Variants in TMLHE observed in about 807,000 individuals in gnomAD.
TMLHE encodes the protein trimethyllysine hydroxylase, epsilon.
Under a neutral mutation model 25.7 loss-of-function variants are expected in TMLHE, and 18 were observed. That is an observed-to-expected ratio of 0.70 (90% CI 0.48 to 1.04). The LOEUF is 1.04. Among genes scored for constraint, TMLHE ranks in the 50% least tolerant of loss-of-function variants. The pLI is 0.00. For synonymous variants in TMLHE, 105 were observed against 97.0 expected, an observed-to-expected ratio of 1.08 and a Z score of -0.49; for missense variants, 236 against 259.0, an observed-to-expected ratio of 0.91 and a Z score of 0.61.
Position 155,524,453 on chromosome X carries a change from C to A in TMLHE, c.358+3G>T. 3 of 1,154,362 alleles carry A rather than the reference C, an allele frequency of 2.6e-6. No homozygotes were observed. Among genetic ancestry groups the A allele is most frequent in the Non-Finnish European group, 2.3e-6 (2 of 863,635 alleles). On this transcript the variant is annotated splice_donor_region_variant and intron_variant, in intron 3 of 7. Transcript: ENST00000334398. ...AAGAAGATCAAGTCTCCTGTCCACT[C>A]ACAAGTGAAAAAGAGTGTGGTCTCA...
intron 1 of TMLHE, among the ~76,000 whole-genome samples, chrX:155,601,411 A>T (rs907597842): frequency 1.8e-5 from 2 of 112,247 alleles, no homozygotes; most frequent in Admixed American, 1.9e-4. Context: ...AATATACTGC[A>T]TTAATAGCAC....
At chrX:155,594,619 C>T (rs191407481) in intron 1 of TMLHE, among the ~76,000 whole-genome samples, 167 of 111,575 alleles carry the variant, frequency 1.5e-3, no homozygotes, top group Admixed American at 5.8e-3. Context: ...AATTTTACCT[C>T]AAGTACAATG....
In TMLHE at chrX:155,561,695, T is replaced by C. The variant is rs1217758437; in HGVS notation, c.-1-16418A>G. ...CCAAGATACAATGGGGGTACAAGCATTGGGTAAATGCTCCCATTCCAAATG... is the reference window on the plus strand; with the variant it reads ...CCAAGATACAATGGGGGTACAAGCACTGGGTAAATGCTCCCATTCCAAATG... On this transcript the variant is annotated intron_variant, in intron 1 of 7. Transcript: ENST00000334398. Among the ~76,000 whole-genome samples the C allele has an allele frequency of 1.1e-3, 70 of 62,357 alleles. 10 individuals carry two copies. Among genetic ancestry groups the C allele is most frequent in the African/African-American group, 2.4e-3 (67 of 28,099 alleles). 54.1% of individuals were successfully genotyped at this position (62,357 alleles called of 115,157 possible). A position where few individuals can be genotyped will look rare whatever the true frequency, so the allele number is the denominator to read the frequency against.
intron 2 of TMLHE, among the ~76,000 whole-genome samples, chrX:155,540,852 G>T (rs1417392762): frequency 9.0e-6 from 1 of 110,650 alleles, no homozygotes; most frequent in Admixed American, 9.6e-5. Flanking sequence ...AAAATTGTCT[G>T]TATTCACAGA....
At chrX:155,534,513 C>T (rs1241694712) in intron 2 of TMLHE, among the ~76,000 whole-genome samples, 1 of 111,875 alleles carries the variant, frequency 8.9e-6, no homozygotes, top group African/African-American at 3.3e-5. Flanking sequence ...GTATTACAGA[C>T]ATGAGCCACC....
intron 4 of TMLHE, 57 bp downstream of exon 4, chrX:155,513,929 G>A (rs1874147627): frequency 4.5e-6 from 5 of 1,111,601 alleles, no homozygotes; most frequent in African/African-American, 1.8e-5. Context: ...ATTTATTGGT[G>A]TTCATGCTCT....
At chrX:155,610,994 A>G (rs1245025320) in intron 1 of TMLHE, among the ~76,000 whole-genome samples, 2 of 111,809 alleles carry the variant, frequency 1.8e-5, no homozygotes, top group African/African-American at 6.5e-5. Flanking sequence ...ATATAGCTAA[A>G]CAAGGCAGAC....
At chrX:155,514,338 G>T (rs1184904513) in intron 3 of TMLHE, 73 bp from the exon 4 acceptor site, 23 of 1,040,917 alleles carry the variant, frequency 2.2e-5, no homozygotes, top group Non-Finnish European at 3.0e-5. Flanking sequence ...GTTACAACTA[G>T]TTAAGAATCT....
intron 2 of TMLHE, among the ~76,000 whole-genome samples, chrX:155,541,560 C>G: frequency 9.0e-6 from 1 of 111,472 alleles, no homozygotes; most frequent in Non-Finnish European, 1.9e-5. Flanking sequence ...GGTATATACC[C>G]AGTAATGAGA....
intron 1 of TMLHE, among the ~76,000 whole-genome samples, chrX:155,596,558 G>A (rs1557346528): frequency 1.2e-4 from 13 of 111,682 alleles, no homozygotes. Context: ...AAGTCTGGAA[G>A]GATTACAACA....
rs145352721 is a variant in TMLHE, at chrX:155,596,515, T to A, written c.-2+16277A>T. Among the ~76,000 whole-genome samples, 13 of 111,233 alleles carry A rather than the reference T, an allele frequency of 1.2e-4. No homozygotes were observed. The East Asian group carries it at 3.4e-3, about 29-fold the overall frequency. ...TCTATAGAAAGAATTGTCAATGCTA[T>A]GAAAGAGAACCCCAATAAAGAGAAC... On this transcript the variant is annotated intron_variant, in intron 1 of 7. Transcript: ENST00000334398.
rs1306461581 is a variant in TMLHE at position 155,603,811 on chromosome X, A to G, written c.-2+8981T>C. 3.5e-5 allele frequency among the ~76,000 whole-genome samples: 4 copies of G among 112,746 alleles called. No individual in the cohort carries two copies. In the South Asian group the frequency reaches 1.1e-3, roughly 31 times the overall value. ...TCATAAACGAAAGACGTAAAAGTAT[A>G]AAACTTTTAGAAACATAGGAAAACC... On this transcript the variant is annotated intron_variant, in intron 1 of 7. Transcript: ENST00000334398.
intron 1 of TMLHE, among the ~76,000 whole-genome samples, chrX:155,595,760 AAT>A (rs2067717063): frequency 8.9e-6 from 1 of 111,986 alleles, no homozygotes; most frequent in Admixed American, 9.5e-5. Flanking sequence ...TATAGATTCT[AAT>A]ATGATTTGAG....
intron 1 of TMLHE, among the ~76,000 whole-genome samples, chrX:155,572,518 G>A (rs28860903): frequency 0.13 from 7,109 of 56,294 alleles, 1,914 homozygotes; most frequent in African/African-American, 0.16. Flanking sequence ...AAAAGAGCCC[G>A]CATTGCCAAG....
At chrX:155,538,887 C>G (rs1468465598) in intron 2 of TMLHE, among the ~76,000 whole-genome samples, 1 of 111,263 alleles carries the variant, frequency 9.0e-6, no homozygotes, top group Non-Finnish European at 1.9e-5. Flanking sequence ...TAATATCTCC[C>G]ATATTAAAAT....
intron 1 of TMLHE, among the ~76,000 whole-genome samples, chrX:155,558,677 G>A (rs2067474902): frequency 9.0e-6 from 1 of 111,726 alleles, no homozygotes; most frequent in South Asian, 3.7e-4. Context: ...TCCAAAGGTA[G>A]GGTATACAGC....
rs781967046 is a variant in TMLHE at position 155,527,705 on chromosome X, A to G, written c.182-3073T>C. Reference sequence around the variant, plus strand: ...TATGCCTTCATATAATTCAAAAAAAATAAATTTCTGATGGATTAAAGTACA... The same window carrying G: ...TATGCCTTCATATAATTCAAAAAAAGTAAATTTCTGATGGATTAAAGTACA... On this transcript the variant is annotated intron_variant, in intron 2 of 7. Coordinates refer to ENST00000334398, the MANE Select transcript of TMLHE (RefSeq NM_018196.4). Among the ~76,000 whole-genome samples, 4 of 112,532 alleles carry G rather than the reference A, an allele frequency of 3.6e-5. No individual in the cohort carries two copies. In the South Asian group the frequency reaches 1.4e-3, roughly 41 times the overall value.
chrX:155,594,736 T>C (rs1240141049), intron 1 of TMLHE, among the ~76,000 whole-genome samples: 1 of 112,028 alleles, frequency 8.9e-6, no homozygotes, highest in Non-Finnish European at 1.9e-5. Context: ...ATGTGTGTGT[T>C]CAGGGGAATA....
intron 1 of TMLHE, among the ~76,000 whole-genome samples, chrX:155,574,628 C>G (rs2067578756): frequency 9.0e-6 from 1 of 111,568 alleles, no homozygotes. Context: ...TCTAGGGGCT[C>G]AGATGTTGCA....
Sources: gnomAD v4.1 joint callset for allele counts (sites outside exome capture counted in the v4.1 genomes callset) on GRCh38, gnomAD v4.1.1 for gene constraint, MANE v1.5 for transcripts, NCBI Gene and HGNC (gene_info 2026-07-23, HGNC 2026-07-21) for gene names.